Variants in TMEM132D observed in about 807,000 individuals in gnomAD.
The protein encoded by TMEM132D is mature OL transmembrane protein.
A neutral mutation model predicts 62.3 loss-of-function variants in TMEM132D; 21 were observed. The ratio of observed to expected loss-of-function variants is 0.34; its 90% CI spans 0.24 to 0.49. The LOEUF (loss-of-function observed/expected upper bound fraction) is 0.49, where lower values mean the gene tolerates loss of function less well. Ranked by LOEUF, TMEM132D falls within the 20% of genes least tolerant of loss-of-function variation. The probability of loss-of-function intolerance (pLI) is 0.99; values close to 1 mark genes in which losing one functional copy is unlikely to be tolerated. For synonymous variants in TMEM132D, 621 were observed against 575.6 expected, an observed-to-expected ratio of 1.08 and a Z score of -1.13; for missense variants, 1,346 against 1,402.8, an observed-to-expected ratio of 0.96 and a Z score of 0.65.
At position 129,147,226 on chromosome 12, in the gene TMEM132D, G is replaced by GTACGTATATATACATATGTT. The variant is rs1367034007; in HGVS notation, c.1443+62293_1443+62294insAACATATGTATATATACGTA. On this transcript the variant is annotated intron_variant, in intron 5 of 8. Coordinates refer to ENST00000422113, the MANE Select transcript of TMEM132D (RefSeq NM_133448.3). Reference sequence around the variant, plus strand: ...TATATGTATACACATATACACATGTGTATGTATATATACATATGTTTATGT... The same window carrying GTACGTATATATACATATGTT: ...TATATGTATACACATATACACATGTGTACGTATATATACATATGTTTATGTATATATACATATGTTTATGT... Among the ~76,000 whole-genome samples, 871 of 108,928 alleles carry GTACGTATATATACATATGTT rather than the reference G, an allele frequency of 8.0e-3. 28 individuals carry two copies. Among genetic ancestry groups the GTACGTATATATACATATGTT allele is most frequent in the Admixed American group, 0.069 (739 of 10,774 alleles). The allele number at this position is 108,928 out of a possible 152,430, so 71.5% of individuals were successfully genotyped here. A position where few individuals can be genotyped will look rare whatever the true frequency, so the allele number is the denominator to read the frequency against.
chr12:129,243,480 G>C (rs1593309103), intron 4 of TMEM132D, among the ~76,000 whole-genome samples: 1 of 152,132 alleles, frequency 6.6e-6, no homozygotes, highest in Admixed American at 6.5e-5. Flanking sequence ...AGAAGCTCTG[G>C]GGGTGCAGAG....
At chr12:129,881,902 A>G (rs1273059034) in intron 1 of TMEM132D, among the ~76,000 whole-genome samples, 4 of 152,062 alleles carry the variant, frequency 2.6e-5, no homozygotes, top group Admixed American at 2.6e-4. Context: ...AGAAAAAAAG[A>G]GTAAAGAAAC....
At chr12:129,853,348 T>C (rs202092436) in intron 1 of TMEM132D, 2 of 152,204 alleles carry the variant, frequency 1.3e-5, no homozygotes, top group South Asian at 2.1e-4. Context: ...GCAGAGGATA[T>C]TGACCAGGAA....
At chr12:129,339,728 T>C (rs1240429920) in intron 3 of TMEM132D, among the ~76,000 whole-genome samples, 1 of 152,190 alleles carries the variant, frequency 6.6e-6, no homozygotes, top group Admixed American at 6.5e-5. Flanking sequence ...GGTATGACTT[T>C]CCCATTGATG....
rs532516822 is a variant in TMEM132D, at chr12:129,773,797, T to C, written c.80-73099A>G. Among the ~76,000 whole-genome samples the C allele has an allele frequency of 5.3e-5, 8 of 152,276 alleles. No individual in the cohort carries two copies. In the East Asian group the frequency reaches 1.5e-3, roughly 29 times the overall value. The stretch of plus-strand genomic sequence containing the variant: ...TAACATAAATCAACTTGGGCTGGCA[T>C]ACAGAACACGGGGCCTCACCAAGTG... On this transcript the variant is annotated intron_variant, in intron 1 of 8. Coordinates refer to ENST00000422113, the MANE Select transcript of TMEM132D (RefSeq NM_133448.3).
At chr12:129,552,629 T>C (rs1667834507) in intron 2 of TMEM132D, among the ~76,000 whole-genome samples, 1 of 152,156 alleles carries the variant, frequency 6.6e-6, no homozygotes, top group Non-Finnish European at 1.5e-5. Flanking sequence ...TATTTATCTG[T>C]CATCTACCTA....
At chr12:129,521,802 G>C (rs1330596000) in intron 3 of TMEM132D, 2 of 152,134 alleles carry the variant, frequency 1.3e-5, no homozygotes, top group Non-Finnish European at 2.9e-5. Context: ...CAGACATTTG[G>C]GTGATTCACA....
At chr12:129,655,538 C>T (rs980227266) in intron 2 of TMEM132D, among the ~76,000 whole-genome samples, 4 of 152,062 alleles carry the variant, frequency 2.6e-5, no homozygotes, top group Non-Finnish European at 4.4e-5. Context: ...TGAGCCACCA[C>T]GCCTGGTCCC....
intron 2 of TMEM132D, among the ~76,000 whole-genome samples, chr12:129,640,029 AAAT>A (rs1293150451): frequency 7.0e-6 from 1 of 143,134 alleles, no homozygotes. Context: ...TCTTGGCATG[AAAT>A]AAAAACCACA....
rs566129573 is a variant in TMEM132D, at chr12:129,445,938, C to T, written c.1115+85121G>A. ...GATGCCGGTGCAGCAAAGTCCTCAG[C>T]GTATCCCCGGGGAGGTGTAGACCTG... On this transcript the variant is annotated intron_variant, in intron 3 of 8. Coordinates refer to ENST00000422113, the MANE Select transcript of TMEM132D (RefSeq NM_133448.3). Among the ~76,000 whole-genome samples the T allele has an allele frequency of 3.9e-4, 59 of 152,244 alleles. 1 individual carries two copies. In the South Asian group the frequency reaches 0.012, roughly 31 times the overall value.
chr12:129,078,406 A>G, intron 8 of TMEM132D, 128 bp downstream of exon 8: 1 of 884,612 alleles, frequency 1.1e-6, no homozygotes, highest in Non-Finnish European at 1.7e-6. Flanking sequence ...CCCTTTGCAG[A>G]TGGAGAAACA....
chr12:129,392,515 A>T (rs1370922250), intron 3 of TMEM132D, among the ~76,000 whole-genome samples: 7 of 152,176 alleles, frequency 4.6e-5, no homozygotes, highest in African/African-American at 1.7e-4. Flanking sequence ...GCACATCCAC[A>T]TGCAGCATGC....
At chr12:129,289,863 A>G (rs1237229632) in intron 4 of TMEM132D, among the ~76,000 whole-genome samples, 2 of 152,164 alleles carry the variant, frequency 1.3e-5, no homozygotes, top group African/African-American at 2.4e-5. Flanking sequence ...CAATCCATCA[A>G]TTAAGACAAG....
At chr12:129,743,267 A>G (rs908089639) in intron 1 of TMEM132D, among the ~76,000 whole-genome samples, 14 of 152,186 alleles carry the variant, frequency 9.2e-5, no homozygotes, top group Admixed American at 9.2e-4. Flanking sequence ...TCCACTTTTC[A>G]TCTTGAATTG....
chr12:129,864,553 G>A (rs1000671370), intron 1 of TMEM132D, among the ~76,000 whole-genome samples: 2 of 152,180 alleles, frequency 1.3e-5, no homozygotes, highest in African/African-American at 4.8e-5. Flanking sequence ...TTTGGAGGAT[G>A]TAATTGGAGA....
intron 4 of TMEM132D, among the ~76,000 whole-genome samples, chr12:129,300,753 A>G (rs1272076488): frequency 6.6e-6 from 1 of 152,238 alleles, no homozygotes; most frequent in East Asian, 1.9e-4. Context: ...CTTTGAAGCT[A>G]TACCTACAGA....
At position 129,863,880 on chromosome 12, in the gene TMEM132D, C is replaced by T. The variant is rs147498583; in HGVS notation, c.79+39381G>A. On this transcript the variant is annotated intron_variant, in intron 1 of 8. Transcript: ENST00000422113. ...CAAGAACTAATATAGCCTCATCAGT[C>T]GGCAGAGTTTATCCCTCTAACAGCA... Among the ~76,000 whole-genome samples, 51 of 152,226 alleles carry T rather than the reference C, an allele frequency of 3.4e-4. No homozygotes were observed. In the East Asian group the frequency reaches 8.9e-3, roughly 27 times the overall value.
intron 2 of TMEM132D, among the ~76,000 whole-genome samples, chr12:129,563,114 A>C (rs191686977): frequency 6.6e-5 from 10 of 152,178 alleles, no homozygotes; most frequent in Admixed American, 2.6e-4. Flanking sequence ...TTTGCATTTA[A>C]TTTTTTTTGA....
Position 129,624,699 on chromosome 12 carries a change from C to T in TMEM132D, c.968+75111G>A, listed in dbSNP as rs185810402. Among the ~76,000 whole-genome samples the T allele has an allele frequency of 2.5e-3, 387 of 152,368 alleles. 2 individuals carry two copies. Among genetic ancestry groups the T allele is most frequent in the African/African-American group, 8.7e-3 (361 of 41,580 alleles). ...GCTGAAAGCCCCAGAAACCAGACAG[C>T]AAAAGAGTCCATGCTGTGCTCCATG... On this transcript the variant is annotated intron_variant, in intron 2 of 8. Coordinates refer to ENST00000422113, the MANE Select transcript of TMEM132D (RefSeq NM_133448.3).
Sources: gnomAD v4.1 joint callset for allele counts (sites outside exome capture counted in the v4.1 genomes callset) on GRCh38, gnomAD v4.1.1 for gene constraint, MANE v1.5 for transcripts, NCBI Gene and HGNC (gene_info 2026-07-23, HGNC 2026-07-21) for gene names.